The following ACSS1 variants were observed in gnomAD, a reference collection of about 807,000 sequenced individuals.
ACSS1 encodes acetyl-coenzyme A synthetase 2-like, mitochondrial.
ACSS1 carries 42 observed loss-of-function variants against 75.3 expected under a neutral mutation model. The observed-to-expected ratio is 0.56, with a 90% confidence interval of 0.44 to 0.72. The LOEUF (loss-of-function observed/expected upper bound fraction) is 0.72, where lower values mean the gene tolerates loss of function less well. ACSS1 is among the 30% of genes least tolerant of loss of function. ACSS1 has a pLI of 0.00. For missense variants in ACSS1, 782 were observed against 935.7 expected, an observed-to-expected ratio of 0.84 and a Z score of 2.14; for synonymous variants, 380 against 376.8, an observed-to-expected ratio of 1.01 and a Z score of -0.10.
intron 1 of ACSS1, among the ~76,000 whole-genome samples, chr20:25,051,186 A>G: frequency 6.6e-6 from 1 of 152,114 alleles, no homozygotes; most frequent in African/African-American, 2.4e-5. Flanking sequence ...TCTCCCGAGC[A>G]CCTCACTGTC....
chr20:25,045,551 C>T (rs964012081), intron 2 of ACSS1, among the ~76,000 whole-genome samples: 2 of 152,232 alleles, frequency 1.3e-5, no homozygotes, highest in African/African-American at 4.8e-5. Context: ...ACCAGCCCCA[C>T]GGGGTTTCTT....
chr20:25,024,483 A>G (rs989730305), intron 3 of ACSS1, among the ~76,000 whole-genome samples: 1 of 152,196 alleles, frequency 6.6e-6, no homozygotes, highest in African/African-American at 2.4e-5. Context: ...CCTGACTGGC[A>G]GGGCCTCACC....
chr20:25,016,160 G>T, intron 7 of ACSS1, among the ~76,000 whole-genome samples: 1 of 152,272 alleles, frequency 6.6e-6, no homozygotes, highest in Middle Eastern at 3.4e-3. Context: ...GAAGCATGAC[G>T]CTGGGCAAGG....
intron 7 of ACSS1, among the ~76,000 whole-genome samples, 178 bp downstream of exon 7, chr20:25,019,832 G>T (rs1479904364): frequency 6.6e-6 from 1 of 152,240 alleles, no homozygotes; most frequent in Non-Finnish European, 1.5e-5. Context: ...CCAGCTCTGG[G>T]GAGGAGCTTA....
chr20:25,035,012 C>T (rs1281642224), intron 2 of ACSS1, among the ~76,000 whole-genome samples: 2 of 152,058 alleles, frequency 1.3e-5, no homozygotes, highest in Admixed American at 1.3e-4. Context: ...CCTGCCTCAG[C>T]CCAGCCGGAG....
intron 5 of ACSS1, among the ~76,000 whole-genome samples, chr20:25,022,449 T>A (rs1174852140): frequency 6.6e-6 from 1 of 152,164 alleles, no homozygotes; most frequent in Non-Finnish European, 1.5e-5. Flanking sequence ...CGGATGCTCA[T>A]ATGGGTCACA....
intron 2 of ACSS1, among the ~76,000 whole-genome samples, chr20:25,043,834 T>C (rs968855893): frequency 6.6e-6 from 1 of 152,134 alleles, no homozygotes; most frequent in Admixed American, 6.5e-5. Context: ...ATCCCTCCTT[T>C]TACAGATGAG....
At position 25,013,031 on chromosome 20, in the gene ACSS1, G is replaced by A. The variant is rs1277138074; in HGVS notation, c.1580-92C>T. 1.2e-5 allele frequency: 19 copies of A among 1,574,306 alleles called. No individual in the cohort carries two copies. The Middle Eastern group carries it at 1.1e-3, about 89-fold the overall frequency. On this transcript the variant is annotated intron_variant, in intron 10 of 13. Coordinates refer to ENST00000323482, the MANE Select transcript of ACSS1 (RefSeq NM_032501.4). ...AGCGTGAAGCTCTGCAGCCCAGCAC[G>A]CGGCTGAAGTCTCGCCCATCGGCCC...
chr20:25,030,607 T>A, intron 3 of ACSS1, 152 bp downstream of exon 3: 2 of 869,590 alleles, frequency 2.3e-6, no homozygotes, highest in Non-Finnish European at 3.5e-6. Flanking sequence ...CAAATTCTCA[T>A]TCGGCCATGT....
intron 3 of ACSS1, among the ~76,000 whole-genome samples, chr20:25,028,443 G>A (rs1024694980): frequency 2.6e-5 from 4 of 152,174 alleles, no homozygotes. Context: ...ATAGGATAGA[G>A]AGCCCAGAAA....
intron 13 of ACSS1, among the ~76,000 whole-genome samples, chr20:25,008,327 G>T (rs377258023): frequency 6.6e-6 from 1 of 152,240 alleles, no homozygotes; most frequent in African/African-American, 2.4e-5. Context: ...TACATCAGAG[G>T]TGAGAACTAC....
At chr20:25,044,462 C>CA (rs1332975797) in intron 2 of ACSS1, among the ~76,000 whole-genome samples, 3 of 152,018 alleles carry the variant, frequency 2.0e-5, no homozygotes, top group Non-Finnish European at 2.9e-5. Flanking sequence ...TCCATCTCTA[C>CA]AAAAAATAAA....
chr20:25,020,003 C>A lies in ACSS1; in HGVS notation c.1246+7G>T, dbSNP rs755726325. ...CAACCTCTCCTGCTGCAGGGCAGGC[C>A]GCTCACCTGACCCCAGGGTCCGCAG... On this transcript the variant is annotated splice_region_variant and intron_variant, in intron 7 of 13. Transcript: ENST00000323482. The A allele has an allele frequency of 2.5e-6, 4 of 1,614,008 alleles. No homozygotes were observed. The South Asian group carries it at 4.4e-5, about 18-fold the overall frequency.
chr20:25,007,322 T>G lies in ACSS1; in HGVS notation c.*440A>C. ...TACATGTGAGTGTTGCATGCTGTTC[T>G]TCCACAATATAAAAGTATAAAAATA... On this transcript the variant is annotated 3_prime_UTR_variant, in exon 14 of 14. Transcript: ENST00000323482. The G allele has an allele frequency of 9.3e-7, 1 of 1,077,686 alleles. No individual in the cohort carries two copies. The highest frequency in any genetic ancestry group is 6.9e-5 in the East Asian group (1 of 14,512). The allele number at this position is 1,077,686 out of a possible 1,614,324, so 66.8% of individuals were successfully genotyped here.
intron 6 of ACSS1, among the ~76,000 whole-genome samples, chr20:25,021,024 C>G (rs1415511037): frequency 1.3e-5 from 2 of 152,226 alleles, no homozygotes; most frequent in Non-Finnish European, 2.9e-5. Context: ...GCTGGGGACA[C>G]AGAAGTGGCG....
Position 25,007,026 on chromosome 20 carries a change from G to A in ACSS1, c.*736C>T. On this transcript the variant is annotated 3_prime_UTR_variant, in exon 14 of 14. Coordinates refer to ENST00000323482, the MANE Select transcript of ACSS1 (RefSeq NM_032501.4). ...CTGGAGTAGCTTCAGAACTAAGGCG[G>A]CCACATTCACCCCACCGCTTAGGAG... The A allele has an allele frequency of 6.6e-7, 1 of 1,517,910 alleles. No individual in the cohort carries two copies. The highest frequency in any genetic ancestry group is 1.4e-5 in the African/African-American group (1 of 72,636). 94.0% of individuals were successfully genotyped at this position (1,517,910 alleles called of 1,614,324 possible). A position where few individuals can be genotyped will look rare whatever the true frequency, so the allele number is the denominator to read the frequency against.
rs943830189 is a variant in ACSS1, at chr20:25,006,661, T to C, written c.*1101A>G. Reference sequence around the variant, plus strand: ...CCCCTGCCAACCGCCAGCCCCTGCATGCCTAGCAGGGAGGTAAGCACCCAC... The same window carrying C: ...CCCCTGCCAACCGCCAGCCCCTGCACGCCTAGCAGGGAGGTAAGCACCCAC... On this transcript the variant is annotated 3_prime_UTR_variant, in exon 14 of 14. Coordinates refer to ENST00000323482, the MANE Select transcript of ACSS1 (RefSeq NM_032501.4). 1.3e-6 allele frequency: 1 copy of C among 749,846 alleles called. No individual in the cohort carries two copies. The highest frequency in any genetic ancestry group is 2.1e-6 in the Non-Finnish European group (1 of 487,780). The allele number at this position is 749,846 out of a possible 1,614,324, so 46.4% of individuals were successfully genotyped here. A position where few individuals can be genotyped will look rare whatever the true frequency, so the allele number is the denominator to read the frequency against.
At chr20:25,014,790 T>C (rs1251390765) in intron 8 of ACSS1, among the ~76,000 whole-genome samples, 3 of 152,158 alleles carry the variant, frequency 2.0e-5, no homozygotes, top group African/African-American at 4.8e-5. Context: ...AAAGGGGCAC[T>C]AGGAAGGGAC....
intron 3 of ACSS1, among the ~76,000 whole-genome samples, chr20:25,028,265 T>G (rs1318148826): frequency 6.6e-6 from 1 of 152,100 alleles, no homozygotes; most frequent in Non-Finnish European, 1.5e-5. Context: ...ATCCTAAAAT[T>G]CCTATGAAAA....
Sources: allele counts gnomAD v4.1 joint callset (sites outside exome capture counted in the v4.1 genomes callset), GRCh38; gene constraint gnomAD v4.1.1; transcripts MANE v1.5; gene names NCBI Gene and HGNC (gene_info 2026-07-23, HGNC 2026-07-21).